The following MKX variants were observed in gnomAD, a reference collection of about 807,000 sequenced individuals.
MKX encodes the protein mohawk homeobox.
MKX carries 13 observed loss-of-function variants against 36.0 expected under a neutral mutation model. That is an observed-to-expected ratio of 0.36 (90% CI 0.24 to 0.57). The LOEUF (loss-of-function observed/expected upper bound fraction) is 0.57, where lower values mean the gene tolerates loss of function less well. Among genes scored for constraint, MKX ranks in the 20% least tolerant of loss-of-function variants. The pLI, the probability that MKX is intolerant of heterozygous loss-of-function variation, is 0.79. For missense variants in MKX, 458 were observed against 456.4 expected (o/e 1.00, Z -0.03); for synonymous variants, 176 against 178.3 (o/e 0.99, Z 0.10).
At chr10:27,743,611 G>A (rs561844935) in intron 1 of MKX, 114 bp from the exon 2 acceptor site, 5 of 578,380 alleles carry the variant, frequency 8.6e-6, no homozygotes, top group Non-Finnish European at 1.4e-5. Context: ...GGGGAGGAGC[G>A]GCGCCGCCGC....
chr10:27,719,676 A>G (rs186113312), intron 5 of MKX, among the ~76,000 whole-genome samples: 45 of 152,122 alleles, frequency 3.0e-4, no homozygotes, highest in Non-Finnish European at 5.9e-4. Context: ...TAAAAGAAAA[A>G]CTGCAGTAGG....
At chr10:27,718,025 G>A (rs1007193803) in intron 5 of MKX, among the ~76,000 whole-genome samples, 1 of 152,174 alleles carries the variant, frequency 6.6e-6, no homozygotes, top group East Asian at 1.9e-4. Flanking sequence ...GGTGACAGAT[G>A]AACAATCAAC....
chr10:27,735,425 G>A (rs1826379909), intron 3 of MKX, 51 bp from the exon 4 acceptor site: 1 of 1,506,632 alleles, frequency 6.6e-7, no homozygotes, highest in Non-Finnish European at 9.1e-7. Context: ...ATTATCCATG[G>A]TGCGATTATT....
Position 27,715,119 on chromosome 10 carries a change from A to T in MKX, c.838+19337T>A, listed in dbSNP as rs150101828. On this transcript the variant is annotated intron_variant, in intron 5 of 6. Transcript: ENST00000419761. ...CTCTCCCCACTAATAAGGAGCCTGT[A>T]ACCCTTGTTCCATGCAATTGCTGTA... Among the ~76,000 whole-genome samples, 348 of 151,142 alleles carry T rather than the reference A, an allele frequency of 2.3e-3. 1 individual carries two copies. The highest frequency in any genetic ancestry group is 8.0e-3 in the African/African-American group (332 of 41,560).
intron 5 of MKX, among the ~76,000 whole-genome samples, chr10:27,675,773 G>A (rs1393418354): frequency 6.6e-6 from 1 of 152,204 alleles, no homozygotes; most frequent in Non-Finnish European, 1.5e-5. Flanking sequence ...ATAAAAGGTA[G>A]CTCTCATAGA....
rs1043873807 is a variant in MKX at position 27,741,619 on chromosome 10, C to G, written c.189-115G>C. On this transcript the variant is annotated intron_variant, in intron 2 of 6. Transcript: ENST00000419761. The surrounding 1 kb of genome is among the most constrained non-coding windows in gnomAD (Gnocchi z 5.1). Reference sequence around the variant, plus strand: ...CCAAACTGCGCATTCCTGCCTTGCGCCCCTGCTTTGCGCGCGCCCAGAGTG... The same window carrying G: ...CCAAACTGCGCATTCCTGCCTTGCGGCCCTGCTTTGCGCGCGCCCAGAGTG... 1 of 1,259,740 alleles carries G rather than the reference C, an allele frequency of 7.9e-7. No individual in the cohort carries two copies. The highest frequency in any genetic ancestry group is 1.5e-5 in the African/African-American group (1 of 65,854). 78.0% of individuals were successfully genotyped at this position (1,259,740 alleles called of 1,614,324 possible).
At chr10:27,676,017 T>C (rs888861298) in intron 5 of MKX, among the ~76,000 whole-genome samples, 12 of 152,182 alleles carry the variant, frequency 7.9e-5, no homozygotes, top group African/African-American at 2.9e-4. Context: ...ATATCTGTAA[T>C]CCCAGCACTT....
At chr10:27,692,406 G>T (rs1208049143) in intron 5 of MKX, among the ~76,000 whole-genome samples, 1 of 152,148 alleles carries the variant, frequency 6.6e-6, no homozygotes, top group Non-Finnish European at 1.5e-5. Context: ...GATTTTCATT[G>T]TAATATATTA....
intron 5 of MKX, among the ~76,000 whole-genome samples, chr10:27,699,197 A>G (rs1836608948): frequency 2.0e-5 from 3 of 152,210 alleles, no homozygotes; most frequent in Admixed American, 6.5e-5. Context: ...AGAAGTCTCA[A>G]GGCAAATCTC....
chr10:27,682,410 C>T (rs886500048), intron 5 of MKX, among the ~76,000 whole-genome samples: 5 of 152,156 alleles, frequency 3.3e-5, no homozygotes, highest in African/African-American at 9.7e-5. Context: ...ATAAAGTCTA[C>T]AGTAATGTAG....
chr10:27,695,747 C>T (rs184653362), intron 5 of MKX, among the ~76,000 whole-genome samples: 4 of 151,990 alleles, frequency 2.6e-5, no homozygotes, highest in Admixed American at 6.5e-5. Flanking sequence ...TAATTATTCA[C>T]GTGACTAATC....
intron 5 of MKX, among the ~76,000 whole-genome samples, chr10:27,687,364 A>G (rs974575726): frequency 2.6e-5 from 4 of 152,216 alleles, no homozygotes; most frequent in Non-Finnish European, 5.9e-5. Context: ...GGATATTTTC[A>G]TATCTCGAAG....
At position 27,743,427 on chromosome 10, in the gene MKX, G is replaced by GT. The variant is rs1564370120; in HGVS notation, c.-13dup. 4 of 1,533,688 alleles carry GT rather than the reference G, an allele frequency of 2.6e-6. No individual in the cohort carries two copies. The highest frequency in any genetic ancestry group is 2.5e-5 in the South Asian group (2 of 80,166). On this transcript the variant is annotated 5_prime_UTR_variant, in exon 2 of 7. Transcript: ENST00000419761. Reference sequence around the variant, plus strand: ...ACGATGGTGTTCATGGTGTCGGTTGGTAGGGACGCGCGGCGCGGCCGCAGA... The same window carrying GT: ...ACGATGGTGTTCATGGTGTCGGTTGGTTAGGGACGCGCGGCGCGGCCGCAGA...
rs1834728956 is a variant in MKX at position 27,735,236 on chromosome 10, C to T, written c.487G>A (p.Asp163Asn). ...ATTAACAAACCTTCAGAACATGAGT[C>T]ATCACTGCTTACGCTAAGCCGTTCA... ...NAERLSVSSD[D>N]SCSEDGENPP... The change falls in exon 4 of 7, where the codon GAC becomes AAC. Residue 163 changes from aspartate (D) to asparagine (N), a missense_variant. By Grantham distance (23) the Asp-to-Asn change is conservative. Coordinates refer to ENST00000419761, the MANE Select transcript of MKX (RefSeq NM_173576.3). 6.3e-7 allele frequency: 1 copy of T among 1,593,818 alleles called. No individual in the cohort carries two copies. The highest frequency in any genetic ancestry group is 8.5e-7 in the Non-Finnish European group (1 of 1,171,560).
intron 5 of MKX, among the ~76,000 whole-genome samples, chr10:27,694,705 A>AAG (rs1353283085): frequency 6.7e-6 from 1 of 150,100 alleles, no homozygotes; most frequent in East Asian, 2.0e-4. Context: ...AAAAAAAAAA[A>AAG]AAAAAATTTA....
intron 5 of MKX, among the ~76,000 whole-genome samples, chr10:27,728,071 G>A (rs866233928): frequency 6.6e-5 from 10 of 152,282 alleles, no homozygotes; most frequent in Admixed American, 2.0e-4. Context: ...TGGTGATAGA[G>A]GCTTTTATTA....
rs986623169 is a variant in MKX, at chr10:27,674,064, A to G, written c.*1165T>C. 1 of 152,208 alleles carries G rather than the reference A, an allele frequency of 6.6e-6. No homozygotes were observed. The highest frequency in any genetic ancestry group is 1.5e-5 in the Non-Finnish European group (1 of 68,022). The allele number at this position is 152,208 out of a possible 1,614,324, so 9.4% of individuals were successfully genotyped here. ...GAGAAAGATAGTCTTCTTTCTTGAT[A>G]TTGATTATTCTCACTCAATGGTAGA... On this transcript the variant is annotated 3_prime_UTR_variant, in exon 7 of 7. Coordinates refer to ENST00000419761, the MANE Select transcript of MKX (RefSeq NM_173576.3).
In MKX at chr10:27,684,803, G is replaced by A. The variant is rs183079253; in HGVS notation, c.839-9249C>T. ...GTGGAAGATGATTTTTCCACAGACC[G>A]GGGAGCGGGGGGTTTGAGATGAAAC... is the stretch of plus-strand genomic sequence containing the variant. On this transcript the variant is annotated intron_variant, in intron 5 of 6. Transcript: ENST00000419761. Among the ~76,000 whole-genome samples the A allele has an allele frequency of 1.1e-4, 17 of 152,326 alleles. No individual in the cohort carries two copies. In the East Asian group the frequency reaches 1.3e-3, roughly 12 times the overall value.
At position 27,712,980 on chromosome 10, in the gene MKX, G is replaced by A. The variant is rs182379821; in HGVS notation, c.838+21476C>T. ...ATAAAGTCATATGAATTGCTGTGATGGAAGGTCCTCCTTCACTCCCTCTGA... is the reference window on the plus strand; with the variant it reads ...ATAAAGTCATATGAATTGCTGTGATAGAAGGTCCTCCTTCACTCCCTCTGA... On this transcript the variant is annotated intron_variant, in intron 5 of 6. Coordinates refer to ENST00000419761, the MANE Select transcript of MKX (RefSeq NM_173576.3). 2.8e-3 allele frequency among the ~76,000 whole-genome samples: 420 copies of A among 152,240 alleles called. 3 individuals carry two copies. Among genetic ancestry groups the A allele is most frequent in the African/African-American group, 9.8e-3 (407 of 41,534 alleles).
Sources: allele counts gnomAD v4.1 joint callset (sites outside exome capture counted in the v4.1 genomes callset), GRCh38; gene constraint gnomAD v4.1.1; non-coding constraint Gnocchi (gnomAD v3.1); transcripts MANE v1.5; gene names NCBI Gene and HGNC (gene_info 2026-07-23, HGNC 2026-07-21).